ASIC2: variants seen among roughly 807,000 people sequenced by gnomAD.
ASIC2 encodes the protein acid sensing ion channel subunit 2.
Under a neutral mutation model 57.3 loss-of-function variants are expected in ASIC2, and 25 were observed. The ratio of observed to expected loss-of-function variants is 0.44; its 90% CI spans 0.32 to 0.61. The LOEUF is 0.61. Ranked by LOEUF, ASIC2 falls within the 20% of genes least tolerant of loss-of-function variation. The probability of loss-of-function intolerance (pLI) is 0.06; values close to 1 mark genes in which losing one functional copy is unlikely to be tolerated. For missense variants in ASIC2, 641 were observed against 738.1 expected (o/e 0.87, Z 1.52); for synonymous variants, 319 against 307.5 (o/e 1.04, Z -0.39).
At chr17:34,155,648 G>A (rs1200123244) in intron 1 of ASIC2, 5 of 307,590 alleles carry the variant, frequency 1.6e-5, no homozygotes, top group Non-Finnish European at 3.0e-5. Context: ...CACACAGCTC[G>A]GACACCAAGC....
intron 1 of ASIC2, among the ~76,000 whole-genome samples, chr17:33,266,699 C>T (rs570390017): frequency 1.3e-5 from 2 of 152,132 alleles, no homozygotes; most frequent in South Asian, 2.1e-4. Context: ...AGTGGATGAT[C>T]GCTATGATTA....
intron 1 of ASIC2, among the ~76,000 whole-genome samples, chr17:33,473,727 C>T (rs1176770066): frequency 2.0e-5 from 3 of 152,114 alleles, no homozygotes; most frequent in South Asian, 2.1e-4. Flanking sequence ...TAGCCCTGTT[C>T]CTGCCAAGCT....
intron 1 of ASIC2, among the ~76,000 whole-genome samples, chr17:33,337,328 T>C (rs777923858): frequency 6.6e-6 from 1 of 152,218 alleles, no homozygotes; most frequent in Non-Finnish European, 1.5e-5. Flanking sequence ...AGCTCATTGA[T>C]CCTCACAAGG....
chr17:33,272,644 C>T (rs1212568550), intron 1 of ASIC2, among the ~76,000 whole-genome samples: 4 of 152,186 alleles, frequency 2.6e-5, no homozygotes, highest in African/African-American at 9.7e-5. Flanking sequence ...TCATCACCAT[C>T]ACCAACATTG....
chr17:33,123,321 G>A (rs1377642926), intron 1 of ASIC2, among the ~76,000 whole-genome samples: 2 of 152,148 alleles, frequency 1.3e-5, no homozygotes, highest in East Asian at 3.9e-4. Flanking sequence ...TAAAAAGAAG[G>A]CAGTTCTGTC....
At chr17:34,027,392 A>G (rs901472246) in intron 1 of ASIC2, among the ~76,000 whole-genome samples, 1 of 152,142 alleles carries the variant, frequency 6.6e-6, no homozygotes, top group Admixed American at 6.5e-5. Context: ...ATGGGCTTTT[A>G]TGTCATCACG....
chr17:33,037,732 TAAC>T (rs1180398425), intron 3 of ASIC2, among the ~76,000 whole-genome samples: 1 of 152,148 alleles, frequency 6.6e-6, no homozygotes, highest in Non-Finnish European at 1.5e-5. Context: ...GGGATGATAA[TAAC>T]GTTTATTTTT....
chr17:33,791,727 A>G (rs1041575232), intron 1 of ASIC2: 4 of 151,892 alleles, frequency 2.6e-5, no homozygotes, highest in African/African-American at 9.7e-5. Context: ...AATGGAAATA[A>G]TAATAGTACT....
intron 1 of ASIC2, among the ~76,000 whole-genome samples, chr17:33,588,443 A>G (rs948442853): frequency 4.6e-5 from 7 of 152,162 alleles, no homozygotes; most frequent in Admixed American, 4.6e-4. Context: ...GGGATTGGCC[A>G]CACACTTTGT....
In ASIC2 at chr17:33,965,200, T is replaced by C. The variant is rs548265867; in HGVS notation, c.555+190778A>G. Reference sequence around the variant, plus strand: ...GGAAAAGTGCTGATATTCCACTTTATAGATGAGCAAATCAAGGTTCAGAGG... The same window carrying C: ...GGAAAAGTGCTGATATTCCACTTTACAGATGAGCAAATCAAGGTTCAGAGG... On this transcript the variant is annotated intron_variant, in intron 1 of 9. Coordinates refer to the ASIC2 transcript ENST00000359872. Among the ~76,000 whole-genome samples, 182 of 152,350 alleles carry C rather than the reference T, an allele frequency of 1.2e-3. 1 individual carries two copies. The highest frequency in any genetic ancestry group is 4.0e-3 in the African/African-American group (166 of 41,592).
chr17:33,250,236 T>C (rs1908832816), intron 1 of ASIC2, among the ~76,000 whole-genome samples: 2 of 152,226 alleles, frequency 1.3e-5, no homozygotes, highest in African/African-American at 4.8e-5. Flanking sequence ...TGTGTTGATT[T>C]GAAACTATTT....
At chr17:33,021,116 C>T (rs1173700438) in intron 7 of ASIC2, 103 bp downstream of exon 7, 21 of 791,078 alleles carry the variant, frequency 2.7e-5, no homozygotes, top group East Asian at 8.1e-5. Flanking sequence ...TAGACTCCTC[C>T]GAGGCTATGT....
chr17:33,448,415 A>T (rs1332868825), intron 1 of ASIC2, among the ~76,000 whole-genome samples: 1 of 152,194 alleles, frequency 6.6e-6, no homozygotes, highest in East Asian at 1.9e-4. Context: ...TAAATTAAGG[A>T]TCTCGAGATA....
intron 3 of ASIC2, among the ~76,000 whole-genome samples, chr17:33,073,060 C>A (rs1373455255): frequency 6.6e-6 from 1 of 152,210 alleles, no homozygotes; most frequent in Non-Finnish European, 1.5e-5. Flanking sequence ...AACAGTGACT[C>A]ACCCTCATTT....
intron 1 of ASIC2, among the ~76,000 whole-genome samples, chr17:33,941,675 C>T (rs1193673475): frequency 6.6e-6 from 1 of 152,158 alleles, no homozygotes; most frequent in Non-Finnish European, 1.5e-5. Flanking sequence ...AGAGCAGTGG[C>T]TATTTCTATC....
At chr17:33,456,194 A>G (rs567034219) in intron 1 of ASIC2, among the ~76,000 whole-genome samples, 2 of 151,884 alleles carry the variant, frequency 1.3e-5, no homozygotes, top group East Asian at 3.9e-4. Flanking sequence ...TGCTTCTTTC[A>G]TTTTGCAGAT....
intron 1 of ASIC2, among the ~76,000 whole-genome samples, chr17:33,877,835 T>G (rs1321351079): frequency 2.6e-5 from 4 of 152,002 alleles, no homozygotes; most frequent in African/African-American, 9.7e-5. Flanking sequence ...GACCCCCGAG[T>G]AGCCTAACTG....
intron 1 of ASIC2, among the ~76,000 whole-genome samples, chr17:33,309,435 G>T (rs1179343004): frequency 6.6e-6 from 1 of 152,156 alleles, no homozygotes; most frequent in Non-Finnish European, 1.5e-5. Flanking sequence ...CCCAAGGGAG[G>T]TTCCTACAAA....
intron 1 of ASIC2, among the ~76,000 whole-genome samples, chr17:33,835,938 G>A (rs528221571): frequency 6.6e-6 from 1 of 151,208 alleles, no homozygotes; most frequent in South Asian, 2.1e-4. Flanking sequence ...GCAAGTCACT[G>A]TGCCCAGTAT....
Sources: gnomAD v4.1 joint callset for allele counts (sites outside exome capture counted in the v4.1 genomes callset) on GRCh38, gnomAD v4.1.1 for gene constraint, MANE v1.5 for transcripts, NCBI Gene and HGNC (gene_info 2026-07-23, HGNC 2026-07-21) for gene names.